PTPRR: variants seen among roughly 807,000 people sequenced by gnomAD.
PTPRR encodes receptor-type tyrosine-protein phosphatase R.
Under a neutral mutation model 77.2 loss-of-function variants are expected in PTPRR, and 38 were observed. The ratio of observed to expected loss-of-function variants is 0.49; its 90% CI spans 0.38 to 0.65. The LOEUF is 0.65. Ranked by LOEUF, PTPRR falls within the 30% of genes least tolerant of loss-of-function variation. The probability of loss-of-function intolerance (pLI) is 0.00; values close to 1 mark genes in which losing one functional copy is unlikely to be tolerated. For missense variants in PTPRR, 744 were observed against 799.2 expected (o/e 0.93, Z 0.83); for synonymous variants, 299 against 283.1 (o/e 1.06, Z -0.57).
At chr12:70,895,483 G>C (rs1893411629) in intron 1 of PTPRR, among the ~76,000 whole-genome samples, 1 of 151,392 alleles carries the variant, frequency 6.6e-6, no homozygotes, top group Non-Finnish European at 1.5e-5. Flanking sequence ...TTATCCACTT[G>C]TCTGTGTGAA....
intron 6 of PTPRR, among the ~76,000 whole-genome samples, chr12:70,720,025 A>G (rs1332145884): frequency 6.6e-6 from 1 of 152,258 alleles, no homozygotes; most frequent in Non-Finnish European, 1.5e-5. Context: ...GCAAGGCGCA[A>G]CCATCGCTCT....
intron 2 of PTPRR, among the ~76,000 whole-genome samples, chr12:70,859,543 A>G (rs1565720848): frequency 6.6e-6 from 1 of 152,078 alleles, no homozygotes; most frequent in Non-Finnish European, 1.5e-5. Context: ...TAGTGAGGGT[A>G]TAAGATTTAT....
intron 6 of PTPRR, among the ~76,000 whole-genome samples, chr12:70,718,796 C>G (rs1235999902): frequency 6.6e-6 from 1 of 152,138 alleles, no homozygotes; most frequent in African/African-American, 2.4e-5. Context: ...TGGGGAAATA[C>G]TAGAAGAATA....
intron 12 of PTPRR, among the ~76,000 whole-genome samples, 199 bp from the exon 13 acceptor site, chr12:70,657,016 G>A (rs1384836224): frequency 1.3e-5 from 2 of 151,262 alleles, no homozygotes; most frequent in African/African-American, 4.9e-5. Context: ...GAGAGGGGTG[G>A]GGGGAAGTGG....
intron 2 of PTPRR, among the ~76,000 whole-genome samples, chr12:70,794,350 T>A (rs930113671): frequency 2.0e-5 from 3 of 152,196 alleles, no homozygotes; most frequent in Non-Finnish European, 2.9e-5. Context: ...GAAATAGTGA[T>A]GTGTCTATTT....
chr12:70,803,607 T>C (rs1193657096), intron 2 of PTPRR, among the ~76,000 whole-genome samples: 2 of 152,088 alleles, frequency 1.3e-5, no homozygotes, highest in Non-Finnish European at 2.9e-5. Flanking sequence ...ACTATGAGAA[T>C]TCTAGGATCA....
At chr12:70,872,037 A>C (rs1389515260) in intron 2 of PTPRR, among the ~76,000 whole-genome samples, 6 of 152,200 alleles carry the variant, frequency 3.9e-5, no homozygotes, top group Non-Finnish European at 7.3e-5. Context: ...ACAACAAATA[A>C]ATTTAGTAAT....
chr12:70,783,077 C>T (rs925452038), intron 2 of PTPRR, among the ~76,000 whole-genome samples: 13 of 152,098 alleles, frequency 8.5e-5, no homozygotes, highest in East Asian at 1.9e-4. Flanking sequence ...TCCGATTTTC[C>T]GGCCAGAAAC....
intron 8 of PTPRR, among the ~76,000 whole-genome samples, chr12:70,691,968 T>G (rs1711746833): frequency 6.6e-6 from 1 of 152,210 alleles, no homozygotes; most frequent in South Asian, 2.1e-4. Context: ...CATAGCAGTA[T>G]TTCCCAAAAT....
At position 70,730,983 on chromosome 12, in the gene PTPRR, G is replaced by A. The variant is rs73341027; in HGVS notation, c.1007+14835C>T. Among the ~76,000 whole-genome samples the A allele has an allele frequency of 6.5e-3, 972 of 148,784 alleles. 10 individuals carry two copies. The highest frequency in any genetic ancestry group is 0.023 in the African/African-American group (917 of 40,330). ...AGAGAGAGGAAGTGAGGAGGAAGGA[G>A]AGAGGAAGGAAGGAGGAAGGAGAGA... On this transcript the variant is annotated intron_variant, in intron 6 of 13. Transcript: ENST00000283228.
At chr12:70,732,948 T>A (rs1208981127) in intron 6 of PTPRR, among the ~76,000 whole-genome samples, 1 of 152,146 alleles carries the variant, frequency 6.6e-6, no homozygotes, top group Non-Finnish European at 1.5e-5. Flanking sequence ...ATATTGAGAT[T>A]TAACAAATAT....
chr12:70,699,216 A>T lies in PTPRR; in HGVS notation c.1195-867T>A, dbSNP rs558767755. On this transcript the variant is annotated intron_variant, in intron 7 of 13. Coordinates refer to ENST00000283228, the MANE Select transcript of PTPRR (RefSeq NM_002849.4). The stretch of plus-strand genomic sequence containing the variant: ...ACATGAACAAAATAACTTTTATGTT[A>T]TTTAATGACTGATAAACATTAAATA... Among the ~76,000 whole-genome samples, 127 of 152,354 alleles carry T rather than the reference A, an allele frequency of 8.3e-4. 2 individuals carry two copies. Among genetic ancestry groups the T allele is most frequent in the African/African-American group, 3.0e-3 (125 of 41,586 alleles).
At chr12:70,648,216 A>G (rs1319862306) in intron 13 of PTPRR, among the ~76,000 whole-genome samples, 1 of 152,174 alleles carries the variant, frequency 6.6e-6, no homozygotes, top group Admixed American at 6.5e-5. Flanking sequence ...ACTTTGGGCA[A>G]TATATTCCTG....
intron 2 of PTPRR, among the ~76,000 whole-genome samples, chr12:70,800,251 G>C (rs1264434338): frequency 6.6e-6 from 1 of 150,866 alleles, no homozygotes; most frequent in Non-Finnish European, 1.5e-5. Context: ...CTGCATTTTA[G>C]ACATACTGTT....
At chr12:70,823,123 A>G (rs1399780296) in intron 2 of PTPRR, among the ~76,000 whole-genome samples, 10 of 133,740 alleles carry the variant, frequency 7.5e-5, no homozygotes, top group African/African-American at 2.1e-4. Flanking sequence ...ACACACACAC[A>G]CACACACACA....
At chr12:70,896,968 T>G (rs1181082271) in intron 1 of PTPRR, among the ~76,000 whole-genome samples, 8 of 151,910 alleles carry the variant, frequency 5.3e-5, no homozygotes, top group African/African-American at 1.9e-4. Flanking sequence ...TCCATTGGTC[T>G]ATATCTCTGT....
At chr12:70,685,638 A>G (rs1171845295) in intron 8 of PTPRR, among the ~76,000 whole-genome samples, 1 of 152,106 alleles carries the variant, frequency 6.6e-6, no homozygotes, top group Non-Finnish European at 1.5e-5. Context: ...CAACAGAGGG[A>G]GAGCCTGTCT....
chr12:70,777,787 G>C (rs1891121412), intron 2 of PTPRR, among the ~76,000 whole-genome samples: 1 of 152,162 alleles, frequency 6.6e-6, no homozygotes, highest in African/African-American at 2.4e-5. Context: ...TGAGCCCCCA[G>C]ATCACTGCGT....
In PTPRR at chr12:70,920,340, G is replaced by A. The variant is rs1019233910; in HGVS notation, c.51C>T (p.His17=). ...AGCCTGGCAACCCCTTACCTGCAGC[G>A]TGAAGATTAAGGAGCAGGCACAGCG... The part of the protein sequence containing the change: ...FPALCLLLNL[H]AAGCFSGNND... Residue 17 remains histidine (H), a synonymous_variant, in exon 1 of 14, where the codon CAC becomes CAT. Transcript: ENST00000283228. 10 of 1,613,552 alleles carry A rather than the reference G, an allele frequency of 6.2e-6. No homozygotes were observed. In the African/African-American group the frequency reaches 1.1e-4, roughly 17 times the overall value.
Sources: allele counts gnomAD v4.1 joint callset (sites outside exome capture counted in the v4.1 genomes callset), GRCh38; gene constraint gnomAD v4.1.1; transcripts MANE v1.5; gene names NCBI Gene and HGNC (gene_info 2026-07-23, HGNC 2026-07-21).